WLS: variants seen among roughly 807,000 people sequenced by gnomAD.
WLS encodes Wnt ligand secretion mediator.
In WLS, 23 loss-of-function variants were observed where a neutral mutation model predicts 62.8. The observed-to-expected ratio is 0.37, with a 90% CI of 0.26 to 0.52. The LOEUF (loss-of-function observed/expected upper bound fraction) is 0.52. WLS is among the 20% of genes least tolerant of loss of function. The pLI is 0.92. For missense variants in WLS, 615 were observed against 697.3 expected, an observed-to-expected ratio of 0.88 and a Z score of 1.33; for synonymous variants, 246 against 244.1, an observed-to-expected ratio of 1.01 and a Z score of -0.07.
intron 1 of WLS, among the ~76,000 whole-genome samples, chr1:68,213,476 A>G (rs1649603485): frequency 6.6e-6 from 1 of 151,508 alleles, no homozygotes; most frequent in Non-Finnish European, 1.5e-5. Context: ...AAAAAAGGAA[A>G]GACGAGGAAG....
intron 6 of WLS, among the ~76,000 whole-genome samples, chr1:68,149,708 G>C (rs932035400): frequency 6.6e-6 from 1 of 152,076 alleles, no homozygotes; most frequent in Non-Finnish European, 1.5e-5. Context: ...AGAGTAATAG[G>C]GGTTACTAGG....
rs150202208 is a variant in WLS at position 68,132,293 on chromosome 1, C to T, written c.1516+5487G>A. Reference sequence around the variant, plus strand: ...CCACCTTCACTGGGGAATGGGAAAACGCTTTTAAGACCTGCTTTAGGGTCT... The same window carrying T: ...CCACCTTCACTGGGGAATGGGAAAATGCTTTTAAGACCTGCTTTAGGGTCT... On this transcript the variant is annotated intron_variant, in intron 11 of 11. Transcript: ENST00000262348. 1.1e-4 allele frequency among the ~76,000 whole-genome samples: 16 copies of T among 152,226 alleles called. 1 individual carries two copies. The East Asian group carries it at 2.9e-3, about 28-fold the overall frequency.
intron 2 of WLS, among the ~76,000 whole-genome samples, chr1:68,159,883 A>T (rs987193368): frequency 2.0e-5 from 3 of 152,214 alleles, no homozygotes; most frequent in Non-Finnish European, 4.4e-5. Flanking sequence ...TTAAAGACTT[A>T]TACACAGATA....
In WLS at chr1:68,232,489, G is replaced by C; in HGVS notation, c.-190C>G. On this transcript the variant is annotated 5_prime_UTR_variant, in exon 1 of 12. Coordinates refer to ENST00000262348, the MANE Select transcript of WLS (RefSeq NM_024911.7). ...CGCACGGATTCCCCCGGCGCAGCCGGCTCGGGTTCCCCCAATGCCCGGAGC... is the reference window on the plus strand; with the variant it reads ...CGCACGGATTCCCCCGGCGCAGCCGCCTCGGGTTCCCCCAATGCCCGGAGC... The C allele has an allele frequency of 8.0e-7, 1 of 1,250,846 alleles. No homozygotes were observed. Among genetic ancestry groups the C allele is most frequent in the Non-Finnish European group, 1.0e-6 (1 of 957,768 alleles). The allele number at this position is 1,250,846 out of a possible 1,614,324, so 77.5% of individuals were successfully genotyped here. A position where few individuals can be genotyped will look rare whatever the true frequency, so the allele number is the denominator to read the frequency against.
At chr1:68,218,169 G>T (rs1166100638) in intron 1 of WLS, among the ~76,000 whole-genome samples, 2 of 152,070 alleles carry the variant, frequency 1.3e-5, no homozygotes, top group Non-Finnish European at 2.9e-5. Context: ...ATAGAAAATT[G>T]GAAATATTCA....
At chr1:68,158,938 A>G (rs1018358633) in intron 3 of WLS, among the ~76,000 whole-genome samples, 185 bp downstream of exon 3, 1 of 152,244 alleles carries the variant, frequency 6.6e-6, no homozygotes, top group African/African-American at 2.4e-5. Flanking sequence ...TAACAGTAAT[A>G]GGCAAAAGCA....
rs775714644 is a variant in WLS at position 68,145,970 on chromosome 1, A to T, written c.1177T>A (p.Phe393Ile). 6.2e-7 allele frequency: 1 copy of T among 1,614,182 alleles called. No individual in the cohort carries two copies. The highest frequency in any genetic ancestry group is 8.5e-7 in the Non-Finnish European group (1 of 1,180,034). Residue 393 changes from phenylalanine (F) to isoleucine (I), a missense_variant, in exon 9 of 12, where the codon TTC becomes ATC. Transcript: ENST00000262348. ...IVAGICLCLY[F>I]LFLCFMVFQV... is the part of the protein sequence containing the mutation. ...AATACCATGAAGCATAGAAACAGGAAGTAGAGGCAGAGGCAGATTCCAGCC... is the reference window on the plus strand; with the variant it reads ...AATACCATGAAGCATAGAAACAGGATGTAGAGGCAGAGGCAGATTCCAGCC...
intron 1 of WLS, 84 bp downstream of exon 1, chr1:68,232,110 C>A: frequency 6.4e-7 from 1 of 1,569,414 alleles, no homozygotes; most frequent in Non-Finnish European, 8.7e-7. Flanking sequence ...GGCAGTGATA[C>A]TGTAACAAGT....
chr1:68,136,543 T>C (rs1466680671), intron 11 of WLS, among the ~76,000 whole-genome samples: 1 of 152,204 alleles, frequency 6.6e-6, no homozygotes, highest in Non-Finnish European at 1.5e-5. Context: ...AGACTGACAG[T>C]ACAAATTAAT....
chr1:68,127,678 A>T (rs1646455673), intron 11 of WLS, among the ~76,000 whole-genome samples: 2 of 151,992 alleles, frequency 1.3e-5, no homozygotes. Context: ...ATATCATATG[A>T]TAAGTTTTCT....
intron 11 of WLS, among the ~76,000 whole-genome samples, chr1:68,103,111 A>G (rs1034841600): frequency 6.6e-6 from 1 of 152,068 alleles, no homozygotes; most frequent in Admixed American, 6.5e-5. Context: ...TTCTGCTCCC[A>G]CCAGGGTGCA....
At chr1:68,178,635 G>C (rs180992511) in intron 2 of WLS, among the ~76,000 whole-genome samples, 633 of 150,872 alleles carry the variant, frequency 4.2e-3, no homozygotes, top group Middle Eastern at 0.021. Context: ...GAACCCAGGA[G>C]GGGGAGGTTG....
rs764309802 is a variant in WLS, at chr1:68,155,189, A to T, written c.576T>A (p.His192Gln). ...GCCGGATGTTTAAAAGGTAAAACTT[A>T]TGGGCCACAGACCCAATTTCCATGA... ...LPFMEIGSVA[H>Q]KFYLLNIRLP... The change falls in exon 4 of 12, where the codon CAT becomes CAA. Residue 192 changes from histidine (H) to glutamine (Q), a missense_variant. Coordinates refer to ENST00000262348, the MANE Select transcript of WLS (RefSeq NM_024911.7). 6.8e-6 allele frequency: 11 copies of T among 1,614,016 alleles called. No individual in the cohort carries two copies. Among genetic ancestry groups the T allele is most frequent in the Non-Finnish European group, 9.3e-6 (11 of 1,179,958 alleles).
chr1:68,143,954 A>G (rs1239397737), intron 10 of WLS, among the ~76,000 whole-genome samples: 1 of 152,236 alleles, frequency 6.6e-6, no homozygotes, highest in African/African-American at 2.4e-5. Flanking sequence ...AAGCTAGGAT[A>G]ACAATTCCTG....
intron 2 of WLS, among the ~76,000 whole-genome samples, chr1:68,166,422 C>T (rs906266293): frequency 2.0e-5 from 3 of 152,218 alleles, no homozygotes; most frequent in Non-Finnish European, 2.9e-5. Flanking sequence ...TCAGGCCTCA[C>T]ATCCATCCTG....
intron 5 of WLS, 74 bp from the exon 6 acceptor site, chr1:68,150,430 C>A: frequency 6.3e-7 from 1 of 1,576,484 alleles, no homozygotes; most frequent in Non-Finnish European, 8.7e-7. Flanking sequence ...TCCCCGAATT[C>A]AGTTTTGAGA....
At chr1:68,163,837 A>G (rs991898819) in intron 2 of WLS, among the ~76,000 whole-genome samples, 43 of 152,190 alleles carry the variant, frequency 2.8e-4, no homozygotes, top group African/African-American at 1.0e-3. Context: ...AAAGCACTGC[A>G]TGCTGCCTCA....
intron 2 of WLS, chr1:68,193,719 C>T (rs1648496328): frequency 1.9e-6 from 1 of 520,950 alleles, no homozygotes; most frequent in Non-Finnish European, 3.4e-6. Flanking sequence ...TGAGTAACCT[C>T]ACTGGTGCCC....
chr1:68,183,828 C>G (rs1193587078), intron 2 of WLS, among the ~76,000 whole-genome samples: 2 of 152,062 alleles, frequency 1.3e-5, no homozygotes, highest in Non-Finnish European at 2.9e-5. Flanking sequence ...TAATATCATT[C>G]TAATTACTTT....
Sources: allele counts gnomAD v4.1 joint callset (sites outside exome capture counted in the v4.1 genomes callset), GRCh38; gene constraint gnomAD v4.1.1; transcripts MANE v1.5; gene names NCBI Gene and HGNC (gene_info 2026-07-23, HGNC 2026-07-21).